Variants in AKR1C1 observed in about 807,000 individuals in gnomAD.
AKR1C1 encodes 20 alpha-hydroxysteroid dehydrogenase.
Under a neutral mutation model 40.6 loss-of-function variants are expected in AKR1C1, and 32 were observed. The ratio of observed to expected loss-of-function variants is 0.79; its 90% CI spans 0.60 to 1.06. AKR1C1 has a LOEUF of 1.06. Ranked by LOEUF, AKR1C1 falls within the 50% of genes least tolerant of loss-of-function variation. The pLI is 0.00. For missense variants in AKR1C1, 320 were observed against 363.5 expected (o/e 0.88, Z 0.97); for synonymous variants, 105 against 134.2 (o/e 0.78, Z 1.50).
At chr10:4,977,284 G>C (rs565943928) in intron 8 of AKR1C1, among the ~76,000 whole-genome samples, 1 of 152,152 alleles carries the variant, frequency 6.6e-6, no homozygotes, top group Non-Finnish European at 1.5e-5. Flanking sequence ...AAGTATAATT[G>C]CTACCAGTAT....
rs1554770766 is a variant in AKR1C1 at position 4,978,687 on chromosome 10, C to A, written c.*945C>A. On this transcript the variant is annotated 3_prime_UTR_variant, in exon 9 of 9. Coordinates refer to ENST00000380872, the MANE Select transcript of AKR1C1 (RefSeq NM_001353.6). ...TTTATACATTAAACAGGCATAGTTA[C>A]AAATATAAAACAAAAATATCCCAAA... The A allele has an allele frequency of 6.6e-6, 1 of 152,088 alleles. No individual in the cohort carries two copies. Among genetic ancestry groups the A allele is most frequent in the Admixed American group, 6.6e-5 (1 of 15,266 alleles). The allele number at this position is 152,088 out of a possible 1,614,324, so 9.4% of individuals were successfully genotyped here.
chr10:4,970,364 T>C (rs1305315288), intron 5 of AKR1C1, among the ~76,000 whole-genome samples: 1 of 152,242 alleles, frequency 6.6e-6, no homozygotes, highest in African/African-American at 2.4e-5. Context: ...TATTTTGATA[T>C]CAGTTAACTT....
chr10:4,977,912 T>G lies in AKR1C1; in HGVS notation c.*170T>G, dbSNP rs1256639249. The G allele has an allele frequency of 1.2e-5, 13 of 1,095,782 alleles. No homozygotes were observed. The highest frequency in any genetic ancestry group is 1.7e-5 in the African/African-American group (1 of 59,946). The allele number at this position is 1,095,782 out of a possible 1,614,324, so 67.9% of individuals were successfully genotyped here. On this transcript the variant is annotated 3_prime_UTR_variant, in exon 9 of 9. Transcript: ENST00000380872. The stretch of plus-strand genomic sequence containing the variant: ...TTGGCCAGAAAGGAAAGACAATAAT[T>G]TTGTTTTTTCATTTTGAAAAAATTA...
intron 7 of AKR1C1, among the ~76,000 whole-genome samples, chr10:4,975,218 T>C (rs1564318454): frequency 6.6e-6 from 1 of 152,132 alleles, no homozygotes; most frequent in Non-Finnish European, 1.5e-5. Context: ...AGTGTTACAT[T>C]GCTGTCATTT....
At chr10:4,974,579 G>C (rs530749334) in intron 7 of AKR1C1, among the ~76,000 whole-genome samples, 128 of 151,612 alleles carry the variant, frequency 8.4e-4, no homozygotes, top group Non-Finnish European at 1.4e-3. Context: ...AATTCTAATG[G>C]GATTGACTTT....
chr10:4,973,189 T>A (rs1431477410), intron 7 of AKR1C1, among the ~76,000 whole-genome samples: 2 of 151,382 alleles, frequency 1.3e-5, no homozygotes, highest in Non-Finnish European at 2.9e-5. Context: ...GCGAGGTGGT[T>A]GTGTGTCTTT....
At chr10:4,973,773 G>A (rs1554770156) in intron 7 of AKR1C1, among the ~76,000 whole-genome samples, 1 of 151,882 alleles carries the variant, frequency 6.6e-6, no homozygotes, top group Non-Finnish European at 1.5e-5. Flanking sequence ...CATATTAATA[G>A]TTATATGTAT....
intron 5 of AKR1C1, among the ~76,000 whole-genome samples, chr10:4,971,460 A>G (rs1172203722): frequency 6.8e-6 from 1 of 148,054 alleles, no homozygotes; most frequent in African/African-American, 2.5e-5. Context: ...TTTTTAATTT[A>G]TTTTACTCAT....
Position 4,968,039 on chromosome 10 carries a change from A to T in AKR1C1, c.370-270A>T, listed in dbSNP as rs552520502. On this transcript the variant is annotated intron_variant, in intron 3 of 8. Transcript: ENST00000380872. ...ACAGAGAAAATTATAGGAGCAGAAG[A>T]AAGTCAATGAAAGTCAATGATGACA... 7.6e-4 allele frequency: 300 copies of T among 397,308 alleles called. 2 individuals are homozygous for T. The Middle Eastern group carries it at 0.01, about 13-fold the overall frequency. The allele number at this position is 397,308 out of a possible 1,614,324, so 24.6% of individuals were successfully genotyped here. A position where few individuals can be genotyped will look rare whatever the true frequency, so the allele number is the denominator to read the frequency against.
At chr10:4,977,120 T>C (rs1397997589) in intron 8 of AKR1C1, among the ~76,000 whole-genome samples, 1 of 152,250 alleles carries the variant, frequency 6.6e-6, no homozygotes, top group Non-Finnish European at 1.5e-5. Flanking sequence ...CATTTATCTG[T>C]GTCTTTACAT....
intron 5 of AKR1C1, among the ~76,000 whole-genome samples, chr10:4,970,512 C>A (rs1836406402): frequency 6.6e-6 from 1 of 152,062 alleles, no homozygotes; most frequent in Non-Finnish European, 1.5e-5. Flanking sequence ...AGACTGCATA[C>A]AATCACAGAA....
chr10:4,981,260 C>G lies in AKR1C1; in HGVS notation c.*3518C>G, dbSNP rs1223858744. 1 of 152,022 alleles carries G rather than the reference C, an allele frequency of 6.6e-6. No homozygotes were observed. Among genetic ancestry groups the G allele is most frequent in the Non-Finnish European group, 1.5e-5 (1 of 68,006 alleles). 9.4% of individuals were successfully genotyped at this position (152,022 alleles called of 1,614,324 possible). A position where few individuals can be genotyped will look rare whatever the true frequency, so the allele number is the denominator to read the frequency against. On this transcript the variant is annotated 3_prime_UTR_variant, in exon 9 of 9. Coordinates refer to ENST00000380872, the MANE Select transcript of AKR1C1 (RefSeq NM_001353.6). ...GTAGATATAGATTAAATCTTAAGGA[C>G]CCTAGGATTGTTAGAATAGTAAATG...
intron 5 of AKR1C1, chr10:4,969,628 C>T (rs1229501818): frequency 6.3e-7 from 1 of 1,595,764 alleles, no homozygotes; most frequent in Non-Finnish European, 8.5e-7. Flanking sequence ...GTCTGTCATG[C>T]AATCAGCTGC....
chr10:4,967,502 T>C (rs1836351509), intron 3 of AKR1C1: 4 of 986,292 alleles, frequency 4.1e-6, no homozygotes, highest in Non-Finnish European at 4.8e-6. Flanking sequence ...ATGGGAAACC[T>C]TGTTGCTTCT....
At chr10:4,964,157 T>G (rs1836291666) in intron 1 of AKR1C1, among the ~76,000 whole-genome samples, 1 of 152,252 alleles carries the variant, frequency 6.6e-6, no homozygotes, top group Non-Finnish European at 1.5e-5. Context: ...CAGAAAAATT[T>G]CTTGTTTCTC....
At position 4,978,018 on chromosome 10, in the gene AKR1C1, C is replaced by T; in HGVS notation, c.*276C>T. On this transcript the variant is annotated 3_prime_UTR_variant, in exon 9 of 9. Transcript: ENST00000380872. ...TCTTTCCTTCTGACACACTAGTGCC[C>T]CTAAATTGTGATTTGCCTATACGTT... The T allele has an allele frequency of 2.1e-6, 1 of 487,144 alleles. No homozygotes were observed. 30.2% of individuals were successfully genotyped at this position (487,144 alleles called of 1,614,324 possible).
In AKR1C1 at chr10:4,979,317, T is replaced by C. The variant is rs1437397714; in HGVS notation, c.*1575T>C. ...CTAGGCTGAAAAATCCCCCTAAAAA[T>C]ATTTCTAGCTCAGATTTTTCCTCCA... On this transcript the variant is annotated 3_prime_UTR_variant, in exon 9 of 9. Transcript: ENST00000380872. 3 of 152,162 alleles carry C rather than the reference T, an allele frequency of 2.0e-5. No homozygotes were observed. Among genetic ancestry groups the C allele is most frequent in the Admixed American group, 6.5e-5 (1 of 15,268 alleles). 9.4% of individuals were successfully genotyped at this position (152,162 alleles called of 1,614,324 possible).
chr10:4,965,213 T>G (rs1042329099), intron 1 of AKR1C1, among the ~76,000 whole-genome samples: 2 of 152,292 alleles, frequency 1.3e-5, no homozygotes, highest in African/African-American at 4.8e-5. Context: ...ACTGTATTCC[T>G]TCATATTTCC....
intron 3 of AKR1C1, 168 bp downstream of exon 3, chr10:4,967,211 C>A (rs1836347416): frequency 2.0e-6 from 2 of 991,256 alleles, no homozygotes; most frequent in Non-Finnish European, 2.9e-6. Context: ...CATTTTGAAT[C>A]CATACTTCCG....
Sources: allele counts gnomAD v4.1 joint callset (sites outside exome capture counted in the v4.1 genomes callset), GRCh38; gene constraint gnomAD v4.1.1; transcripts MANE v1.5; gene names NCBI Gene and HGNC (gene_info 2026-07-23, HGNC 2026-07-21).